LARGE1: variants seen among roughly 807,000 people sequenced by gnomAD.
LARGE1 encodes the protein xylosyl- and glucuronyltransferase LARGE1.
A neutral mutation model predicts 87.6 loss-of-function variants in LARGE1; 43 were observed. The ratio of observed to expected loss-of-function variants is 0.49; its 90% CI spans 0.38 to 0.63. LARGE1 has a LOEUF of 0.63. Ranked by LOEUF, LARGE1 falls within the 30% of genes least tolerant of loss-of-function variation. LARGE1 has a pLI of 0.00. For synonymous variants in LARGE1, 434 were observed against 394.6 expected (o/e 1.10, Z -1.18); for missense variants, 802 against 1,000.2 (o/e 0.80, Z 2.67).
rs144968345 is a variant in LARGE1 at position 33,338,875 on chromosome 22, C to A, written c.1132-1074G>T. The stretch of plus-strand genomic sequence containing the variant: ...TCAAGAATAAATGAGAGGCCGGGTG[C>A]GGTGGCTCATGCCTGTAATGCCAGC... On this transcript the variant is annotated intron_variant, in intron 9 of 14. Coordinates refer to ENST00000397394, the MANE Select transcript of LARGE1 (RefSeq NM_133642.5). Among the ~76,000 whole-genome samples, 745 of 152,170 alleles carry A rather than the reference C, an allele frequency of 4.9e-3. 9 individuals carry two copies. The highest frequency in any genetic ancestry group is 0.017 in the African/African-American group (718 of 41,514).
chr22:33,227,807 G>A (rs186038852), intron 11 of LARGE1, among the ~76,000 whole-genome samples: 3 of 152,308 alleles, frequency 2.0e-5, no homozygotes, highest in Admixed American at 1.3e-4. Context: ...ATTTGTCATG[G>A]TTCTAATTAA....
intron 5 of LARGE1, among the ~76,000 whole-genome samples, chr22:33,576,378 G>C (rs1038527702): frequency 3.3e-5 from 5 of 152,162 alleles, no homozygotes; most frequent in African/African-American, 1.2e-4. Context: ...GGAAATAACA[G>C]TGCAGTTTGG....
chr22:33,344,288 T>C (rs1939488550), intron 9 of LARGE1, among the ~76,000 whole-genome samples: 1 of 152,198 alleles, frequency 6.6e-6, no homozygotes, highest in South Asian at 2.1e-4. Context: ...GATAGTAAGA[T>C]GAGCACTGAT....
At chr22:33,878,411 G>A (rs1448435888) in intron 1 of LARGE1, among the ~76,000 whole-genome samples, 1 of 152,046 alleles carries the variant, frequency 6.6e-6, no homozygotes, top group African/African-American at 2.4e-5. Flanking sequence ...TTACAGGCAT[G>A]AGCCACCATA....
intron 1 of LARGE1, among the ~76,000 whole-genome samples, chr22:33,880,385 T>C (rs1362490093): frequency 6.6e-6 from 1 of 152,232 alleles, no homozygotes; most frequent in African/African-American, 2.4e-5. Context: ...CTAACTATCC[T>C]GCAAGACTGC....
At chr22:33,752,459 C>T (rs1383690120) in intron 2 of LARGE1, among the ~76,000 whole-genome samples, 35 of 152,140 alleles carry the variant, frequency 2.3e-4, no homozygotes, top group Admixed American at 2.3e-3. Context: ...ACATTCTGAA[C>T]TTATCTTTTC....
intron 11 of LARGE1, among the ~76,000 whole-genome samples, chr22:33,313,285 C>T (rs1200220543): frequency 6.6e-6 from 1 of 152,192 alleles, no homozygotes; most frequent in Non-Finnish European, 1.5e-5. Flanking sequence ...TCTCAGTCCA[C>T]TCAGCCTCCA....
intron 11 of LARGE1, among the ~76,000 whole-genome samples, chr22:33,176,206 T>C (rs934674828): frequency 1.8e-4 from 28 of 152,048 alleles, no homozygotes; most frequent in African/African-American, 6.5e-4. Flanking sequence ...AAACCCTAGA[T>C]GAAAACCTAG....
intron 2 of LARGE1, among the ~76,000 whole-genome samples, chr22:33,748,122 T>C (rs2084167960): frequency 7.0e-6 from 1 of 143,584 alleles, no homozygotes; most frequent in East Asian, 2.1e-4. Context: ...GTTCTTCCTA[T>C]CAATGCAGGT....
intron 1 of LARGE1, among the ~76,000 whole-genome samples, chr22:33,842,584 C>G (rs1189600393): frequency 6.6e-6 from 1 of 152,170 alleles, no homozygotes; most frequent in African/African-American, 2.4e-5. Context: ...CAAGCCACTC[C>G]AAAACCTGAC....
chr22:33,127,860 T>C, the LARGE1 span, among the ~76,000 whole-genome samples: 1 of 152,234 alleles, frequency 6.6e-6, no homozygotes, highest in African/African-American at 2.4e-5. Flanking sequence ...TATTGGGAGA[T>C]AGAATTTCAG....
intron 1 of LARGE1, among the ~76,000 whole-genome samples, chr22:33,817,036 TTATATGTGTA>T (rs1395762729): frequency 6.6e-6 from 1 of 152,128 alleles, no homozygotes; most frequent in Non-Finnish European, 1.5e-5. Flanking sequence ...ACATATACAT[TTATATGTGTA>T]TATATGTGTT....
the LARGE1 span, among the ~76,000 whole-genome samples, chr22:33,080,386 C>G: frequency 6.6e-6 from 1 of 152,174 alleles, no homozygotes; most frequent in Non-Finnish European, 1.5e-5. Context: ...GTTGTAGGTT[C>G]ATGGGAATTC....
At chr22:33,140,491 T>C in the LARGE1 span, among the ~76,000 whole-genome samples, 3 of 152,182 alleles carry the variant, frequency 2.0e-5, no homozygotes, top group Admixed American at 1.3e-4. Context: ...AGATAAACAT[T>C]TGAGTCAGTG....
intron 2 of LARGE1, among the ~76,000 whole-genome samples, chr22:33,735,377 TC>T (rs925364973): frequency 6.6e-6 from 1 of 152,278 alleles, no homozygotes; most frequent in East Asian, 1.9e-4. Context: ...TCCCTGGGTG[TC>T]CCCCCTGCAT....
At chr22:33,422,451 T>C (rs1371051720) in intron 7 of LARGE1, among the ~76,000 whole-genome samples, 2 of 151,926 alleles carry the variant, frequency 1.3e-5, no homozygotes, top group Middle Eastern at 3.4e-3. Context: ...GGGGAGCAGG[T>C]ACCTCACATG....
intron 9 of LARGE1, among the ~76,000 whole-genome samples, chr22:33,364,639 A>G (rs1241141965): frequency 6.6e-6 from 1 of 152,216 alleles, no homozygotes; most frequent in Non-Finnish European, 1.5e-5. Context: ...AAGTTAAATA[A>G]TACAGTATTT....
Position 33,326,006 on chromosome 22 carries a change from A to G in LARGE1, c.1288-9758T>C, listed in dbSNP as rs371278173. On this transcript the variant is annotated intron_variant, in intron 10 of 14. Transcript: ENST00000397394. ...GGTTTCCACAAAGCAGTTACATCTTATTAAGCCACACAGACAGGCAGAAAA... is the reference window on the plus strand; with the variant it reads ...GGTTTCCACAAAGCAGTTACATCTTGTTAAGCCACACAGACAGGCAGAAAA... 5.3e-5 allele frequency among the ~76,000 whole-genome samples: 8 copies of G among 152,320 alleles called. No individual in the cohort carries two copies. The South Asian group carries it at 1.7e-3, about 32-fold the overall frequency.
intron 1 of LARGE1, among the ~76,000 whole-genome samples, chr22:33,916,464 C>T (rs751484673): frequency 2.0e-5 from 3 of 152,140 alleles, no homozygotes; most frequent in Non-Finnish European, 4.4e-5. Flanking sequence ...ATACATTTAA[C>T]GAAGCCTTTC....
Sources: allele counts gnomAD v4.1 joint callset (sites outside exome capture counted in the v4.1 genomes callset), GRCh38; gene constraint gnomAD v4.1.1; transcripts MANE v1.5; gene names NCBI Gene and HGNC (gene_info 2026-07-23, HGNC 2026-07-21).